ABCA13: variants seen among roughly 807,000 people sequenced by gnomAD.
ABCA13 encodes ATP-binding cassette sub-family A member 13.
A neutral mutation model predicts 478.7 loss-of-function variants in ABCA13; 476 were observed. The ratio of observed to expected loss-of-function variants is 0.99; its 90% confidence interval spans 0.92 to 1.07. The LOEUF is 1.07. ABCA13 is among the 50% of genes least tolerant of loss of function. The probability of loss-of-function intolerance (pLI) is 0.00; values close to 1 mark genes in which losing one functional copy is unlikely to be tolerated. For missense variants in ABCA13, 6,060 were observed against 5,910.6 expected, an observed-to-expected ratio of 1.03 and a Z score of -0.83; for synonymous variants, 2,252 against 2,158.9, an observed-to-expected ratio of 1.04 and a Z score of -1.20.
At chr7:48,309,401 AACTAGAG>A (rs1801420683) in intron 23 of ABCA13, among the ~76,000 whole-genome samples, 1 of 152,196 alleles carries the variant, frequency 6.6e-6, no homozygotes, top group African/African-American at 2.4e-5. Context: ...GATAGTAATA[AACTAGAG>A]ACTAATATAA....
intron 55 of ABCA13, among the ~76,000 whole-genome samples, chr7:48,554,822 TTTATTA>T (rs58085063): frequency 1.2e-4 from 17 of 147,368 alleles, no homozygotes; most frequent in East Asian, 3.9e-4. Context: ...ATTATTATTA[TTTATTA>T]TTATTATTAT....
At chr7:48,340,398 G>A (rs545179178) in intron 29 of ABCA13, among the ~76,000 whole-genome samples, 23 of 152,176 alleles carry the variant, frequency 1.5e-4, no homozygotes, top group Non-Finnish European at 2.6e-4. Flanking sequence ...GAGCCACTGC[G>A]CCTGGCCTCA....
At chr7:48,370,403 G>A (rs1359561487) in intron 32 of ABCA13, among the ~76,000 whole-genome samples, 1 of 152,042 alleles carries the variant, frequency 6.6e-6, no homozygotes, top group Non-Finnish European at 1.5e-5. Flanking sequence ...TTGTTTGATT[G>A]CTCTGACTAG....
At chr7:48,563,945 T>C (rs1270477144) in intron 55 of ABCA13, among the ~76,000 whole-genome samples, 1 of 152,116 alleles carries the variant, frequency 6.6e-6, no homozygotes, top group Non-Finnish European at 1.5e-5. Flanking sequence ...CTTGGTTTCC[T>C]ACTTCTTTAC....
intron 43 of ABCA13, among the ~76,000 whole-genome samples, chr7:48,459,391 A>G (rs920398413): frequency 6.6e-6 from 1 of 152,078 alleles, no homozygotes; most frequent in Non-Finnish European, 1.5e-5. Context: ...GAATGACACA[A>G]TCATACATGA....
In ABCA13 at chr7:48,412,192, C is replaced by T. The variant is rs573764042; in HGVS notation, c.12229-161C>T. 1.4e-4 allele frequency among the ~76,000 whole-genome samples: 21 copies of T among 152,156 alleles called. No homozygotes were observed. The South Asian group carries it at 2.1e-3, about 15-fold the overall frequency. On this transcript the variant is annotated intron_variant, in intron 40 of 61. Coordinates refer to ENST00000435803, the MANE Select transcript of ABCA13 (RefSeq NM_152701.5). The stretch of plus-strand genomic sequence containing the variant: ...TTTTTTAAAAAGAAAGAAAAAAATA[C>T]GAGATGTCATTGAGATGCCTATTGC...
At chr7:48,437,798 C>A (rs1006166117) in intron 42 of ABCA13, among the ~76,000 whole-genome samples, 3 of 152,132 alleles carry the variant, frequency 2.0e-5, no homozygotes, top group South Asian at 2.1e-4. Context: ...CCTGGGGTAA[C>A]GGCTTATGGT....
At chr7:48,181,008 T>G (rs1439155086) in intron 1 of ABCA13, among the ~76,000 whole-genome samples, 1 of 152,166 alleles carries the variant, frequency 6.6e-6, no homozygotes, top group Non-Finnish European at 1.5e-5. Flanking sequence ...AGTAGTAATA[T>G]GGCTAAGCCC....
At chr7:48,333,542 T>A (rs1805738439) in intron 27 of ABCA13, among the ~76,000 whole-genome samples, 1 of 152,208 alleles carries the variant, frequency 6.6e-6, no homozygotes, top group African/African-American at 2.4e-5. Context: ...TTCTAAGCAA[T>A]ATAATAGGAG....
intron 8 of ABCA13, among the ~76,000 whole-genome samples, chr7:48,237,076 G>T (rs1220518269): frequency 3.5e-5 from 5 of 142,648 alleles, no homozygotes; most frequent in African/African-American, 1.1e-4. Context: ...GAGTTTCGCC[G>T]ATTGGTTGGG....
At chr7:48,341,938 T>C (rs1807301743) in intron 29 of ABCA13, among the ~76,000 whole-genome samples, 2 of 140,672 alleles carry the variant, frequency 1.4e-5, no homozygotes, top group Non-Finnish European at 3.1e-5. Context: ...CTCATATATA[T>C]ATATTCATAT....
At chr7:48,360,110 A>G (rs1810586063) in intron 31 of ABCA13, among the ~76,000 whole-genome samples, 1 of 151,878 alleles carries the variant, frequency 6.6e-6, no homozygotes, top group African/African-American at 2.4e-5. Flanking sequence ...TTACATATGT[A>G]TACATGTGCC....
intron 34 of ABCA13, among the ~76,000 whole-genome samples, chr7:48,375,040 TCACC>T (rs1813242145): frequency 6.6e-6 from 1 of 152,220 alleles, no homozygotes; most frequent in Non-Finnish European, 1.5e-5. Context: ...CTGTCTCGCA[TCACC>T]CCCAGGTGGG....
chr7:48,468,556 A>G (rs527253976), intron 44 of ABCA13, among the ~76,000 whole-genome samples: 1 of 152,358 alleles, frequency 6.6e-6, no homozygotes, highest in Admixed American at 6.5e-5. Context: ...ATTTATGTCC[A>G]TGTTATACAA....
In ABCA13 at chr7:48,269,102, A is replaced by T. The variant is rs74368695; in HGVS notation, c.2120+8A>T. On this transcript the variant is annotated splice_region_variant and intron_variant, in intron 16 of 61. Transcript: ENST00000435803. ...AACAGCTTCCATATCCAGGTAAGTT[A>T]TCAGAATCCAACTTCTAGGTCTTGA... 1 of 1,432,420 alleles carries T rather than the reference A, an allele frequency of 7.0e-7. No individual in the cohort carries two copies. Among genetic ancestry groups the T allele is most frequent in the East Asian group, 2.3e-5 (1 of 43,676 alleles). The allele number at this position is 1,432,420 out of a possible 1,614,324, so 88.7% of individuals were successfully genotyped here.
intron 16 of ABCA13, among the ~76,000 whole-genome samples, chr7:48,269,880 A>G (rs996776709): frequency 1.1e-4 from 17 of 152,212 alleles, no homozygotes; most frequent in African/African-American, 3.4e-4. Context: ...GAACTTCTTA[A>G]GCCCAGCTAT....
chr7:48,341,910 T>C (rs572032709), intron 29 of ABCA13, among the ~76,000 whole-genome samples: 1 of 140,476 alleles, frequency 7.1e-6, no homozygotes, highest in East Asian at 2.1e-4. Context: ...CTGATATATA[T>C]ATACTCATAT....
At chr7:48,568,964 G>A (rs1787342682) in intron 55 of ABCA13, among the ~76,000 whole-genome samples, 1 of 151,616 alleles carries the variant, frequency 6.6e-6, no homozygotes, top group Non-Finnish European at 1.5e-5. Context: ...CTTTAAGATT[G>A]GTAGAAATAT....
chr7:48,509,944 C>G (rs1320295972), intron 50 of ABCA13, among the ~76,000 whole-genome samples: 5 of 152,204 alleles, frequency 3.3e-5, no homozygotes, highest in Non-Finnish European at 7.3e-5. Context: ...TGGCCCTCGC[C>G]AGTCACCGAA....
Sources: allele counts gnomAD v4.1 joint callset (sites outside exome capture counted in the v4.1 genomes callset), GRCh38; gene constraint gnomAD v4.1.1; transcripts MANE v1.5; gene names NCBI Gene and HGNC (gene_info 2026-07-23, HGNC 2026-07-21).